Variants in SBF2 observed in about 807,000 individuals in gnomAD.
The protein encoded by SBF2 is SET binding factor 2.
SBF2 carries 112 observed loss-of-function variants against 225.2 expected under a neutral mutation model. The ratio of observed to expected loss-of-function variants is 0.50; its 90% CI spans 0.43 to 0.58. The LOEUF (loss-of-function observed/expected upper bound fraction) is 0.58. Ranked by LOEUF, SBF2 falls within the 20% of genes least tolerant of loss-of-function variation. The pLI is 0.00. For missense variants in SBF2, 1,996 were observed against 2,206.2 expected (o/e 0.90, Z 1.91); for synonymous variants, 763 against 773.3 (o/e 0.99, Z 0.22).
chr11:10,066,068 C>CACAAAA (rs377003559), intron 2 of SBF2, among the ~76,000 whole-genome samples: 370 of 152,040 alleles, frequency 2.4e-3, no homozygotes, highest in African/African-American at 7.9e-3. Flanking sequence ...AAAAACTTTC[C>CACAAAA]ACAAAAACAA....
intron 16 of SBF2, among the ~76,000 whole-genome samples, chr11:9,938,207 T>C (rs1590534919): frequency 6.6e-6 from 1 of 150,806 alleles, no homozygotes; most frequent in Non-Finnish European, 1.5e-5. Context: ...AGGAGAATGG[T>C]GAGAACCCGG....
chr11:9,814,312 T>C lies in SBF2; in HGVS notation c.3979-1604A>G, dbSNP rs1407543509. On this transcript the variant is annotated intron_variant, in intron 29 of 39. Transcript: ENST00000256190. The stretch of plus-strand genomic sequence containing the variant: ...TCTGCTTTTCTAAGATTAAAACTGC[T>C]TTCTGGAGATTGGTTGCACAGCAAC... 2.0e-5 allele frequency among the ~76,000 whole-genome samples: 3 copies of C among 152,348 alleles called. No individual in the cohort carries two copies. In the East Asian group the frequency reaches 5.8e-4, roughly 29 times the overall value.
chr11:10,000,320 C>T (rs936227483), intron 8 of SBF2, among the ~76,000 whole-genome samples: 3 of 152,156 alleles, frequency 2.0e-5, no homozygotes, highest in East Asian at 3.8e-4. Context: ...TTTCTAAATA[C>T]TTGATAATCC....
In SBF2 at chr11:9,900,607, T is replaced by C. The variant is rs560192939; in HGVS notation, c.1861-4596A>G. ...CCCTTGTCCAAGTGTGAGCTCACCA[T>C]TGCTCCATCTGTAAGGGTGCACCCT... On this transcript the variant is annotated intron_variant, in intron 16 of 39. Coordinates refer to ENST00000256190, the MANE Select transcript of SBF2 (RefSeq NM_030962.4). 1.5e-3 allele frequency among the ~76,000 whole-genome samples: 227 copies of C among 152,272 alleles called. 1 individual carries two copies. Among genetic ancestry groups the C allele is most frequent in the Middle Eastern group, 3.4e-3 (1 of 294 alleles).
At chr11:10,210,447 T>C (rs1292446563) in intron 1 of SBF2, among the ~76,000 whole-genome samples, 3 of 151,056 alleles carry the variant, frequency 2.0e-5, no homozygotes, top group African/African-American at 4.8e-5. Context: ...TTCACTTACA[T>C]ATCACTTGCC....
chr11:10,029,671 G>T, intron 5 of SBF2, 94 bp downstream of exon 5: 1 of 933,472 alleles, frequency 1.1e-6, no homozygotes, highest in Admixed American at 1.7e-5. Flanking sequence ...AATATTTAAA[G>T]AATTATTTCT....
At chr11:10,194,039 A>G in intron 1 of SBF2, 52 bp from the exon 2 acceptor site, 1 of 1,103,776 alleles carries the variant, frequency 9.1e-7, no homozygotes, top group Non-Finnish European at 1.4e-6. Flanking sequence ...AAAACTACAA[A>G]TACTCATTCT....
intron 13 of SBF2, among the ~76,000 whole-genome samples, chr11:9,971,006 G>A (rs536081337): frequency 6.6e-6 from 1 of 152,058 alleles, no homozygotes; most frequent in Non-Finnish European, 1.5e-5. Context: ...GTTCTTCTCT[G>A]TTCTTTAGGC....
chr11:9,801,141 G>C (rs1054910968), intron 32 of SBF2, among the ~76,000 whole-genome samples: 1 of 152,148 alleles, frequency 6.6e-6, no homozygotes, highest in African/African-American at 2.4e-5. Context: ...CCTAAGTATG[G>C]TGATGAATAG....
intron 6 of SBF2, among the ~76,000 whole-genome samples, chr11:10,023,315 T>C (rs1948928478): frequency 6.6e-6 from 1 of 152,238 alleles, no homozygotes; most frequent in Non-Finnish European, 1.5e-5. Context: ...CTTAGATCAG[T>C]TGTGAGCCTC....
chr11:10,080,399 A>C (rs1418865580), intron 2 of SBF2, among the ~76,000 whole-genome samples: 1 of 152,100 alleles, frequency 6.6e-6, no homozygotes, highest in Non-Finnish European at 1.5e-5. Flanking sequence ...AGAAGTTTTT[A>C]ACATGGAAAC....
intron 2 of SBF2, among the ~76,000 whole-genome samples, chr11:10,071,763 T>C (rs532657269): frequency 6.6e-6 from 1 of 152,332 alleles, no homozygotes; most frequent in East Asian, 1.9e-4. Context: ...TCATGTGGTT[T>C]TTCTCACTGG....
chr11:10,101,030 C>T (rs1253256171), intron 2 of SBF2, among the ~76,000 whole-genome samples: 2 of 152,164 alleles, frequency 1.3e-5, no homozygotes, highest in Admixed American at 6.5e-5. Flanking sequence ...TTTGGAAGGC[C>T]TTCTGCCTAT....
intron 32 of SBF2, among the ~76,000 whole-genome samples, chr11:9,799,406 C>G (rs1853347373): frequency 6.6e-6 from 1 of 152,126 alleles, no homozygotes. Flanking sequence ...CTCCTGTGTG[C>G]CACAGGAGCA....
intron 13 of SBF2, among the ~76,000 whole-genome samples, chr11:9,982,116 A>G (rs1415914586): frequency 1.3e-5 from 2 of 152,138 alleles, no homozygotes; most frequent in African/African-American, 2.4e-5. Context: ...TCCTCTATCC[A>G]TGGAATATTT....
chr11:9,899,861 G>T (rs762817892), intron 16 of SBF2, among the ~76,000 whole-genome samples: 1 of 152,110 alleles, frequency 6.6e-6, no homozygotes, highest in Non-Finnish European at 1.5e-5. Flanking sequence ...GCTTGGTTCT[G>T]CAAGGAAGAC....
chr11:9,837,682 C>G (rs2133947531), intron 26 of SBF2, among the ~76,000 whole-genome samples: 1 of 152,182 alleles, frequency 6.6e-6, no homozygotes, highest in South Asian at 2.1e-4. Flanking sequence ...TTTTTTCTAT[C>G]CTTTTACTTT....
intron 13 of SBF2, among the ~76,000 whole-genome samples, chr11:9,975,693 T>A (rs1032435424): frequency 2.0e-5 from 3 of 149,890 alleles, no homozygotes; most frequent in Non-Finnish European, 3.0e-5. Context: ...GGGAGGGGGG[T>A]TCAATTTGAA....
At chr11:9,867,363 G>T (rs1470227646) in intron 17 of SBF2, among the ~76,000 whole-genome samples, 1 of 152,006 alleles carries the variant, frequency 6.6e-6, no homozygotes, top group Admixed American at 6.5e-5. Flanking sequence ...CAGTTAAAGT[G>T]GCTATTATAA....
Sources: gnomAD v4.1 joint callset for allele counts (sites outside exome capture counted in the v4.1 genomes callset) on GRCh38, gnomAD v4.1.1 for gene constraint, MANE v1.5 for transcripts, NCBI Gene and HGNC (gene_info 2026-07-23, HGNC 2026-07-21) for gene names.